Variants in MACROD2 observed in about 807,000 individuals in gnomAD.
The protein encoded by MACROD2 is ADP-ribose glycohydrolase MACROD2.
In MACROD2, 36 loss-of-function variants were observed where a neutral mutation model predicts 70.4. The observed-to-expected ratio is 0.51, with a 90% CI of 0.39 to 0.68. MACROD2 has a LOEUF of 0.68. MACROD2 is among the 30% of genes least tolerant of loss of function. The probability of loss-of-function intolerance (pLI) is 0.00; values close to 1 mark genes in which losing one functional copy is unlikely to be tolerated. For synonymous variants in MACROD2, 172 were observed against 178.8 expected (o/e 0.96, Z 0.30); for missense variants, 496 against 538.4 (o/e 0.92, Z 0.78).
At chr20:14,794,435 T>A (rs1028197946) in intron 5 of MACROD2, among the ~76,000 whole-genome samples, 6 of 152,112 alleles carry the variant, frequency 3.9e-5, no homozygotes, top group Non-Finnish European at 8.8e-5. Context: ...GTCATTCTTC[T>A]CCAGTTAAAA....
chr20:16,025,239 G>C (rs1476809409), intron 15 of MACROD2, among the ~76,000 whole-genome samples: 1 of 152,192 alleles, frequency 6.6e-6, no homozygotes, highest in African/African-American at 2.4e-5. Context: ...GGTGCTCGCA[G>C]AGTCCATTCT....
chr20:14,287,935 A>C (rs1293067569), intron 3 of MACROD2, among the ~76,000 whole-genome samples: 1 of 152,128 alleles, frequency 6.6e-6, no homozygotes, highest in Non-Finnish European at 1.5e-5. Context: ...TTCCTGAAGG[A>C]CAGATGTTAC....
At chr20:14,775,013 C>T (rs575734813) in intron 5 of MACROD2, among the ~76,000 whole-genome samples, 2 of 152,176 alleles carry the variant, frequency 1.3e-5, no homozygotes, top group African/African-American at 2.4e-5. Context: ...AAATCACAAA[C>T]ATTTGATTCT....
In MACROD2 at chr20:15,339,025, G is replaced by A. The variant is rs574418501; in HGVS notation, c.541-92380G>A. Among the ~76,000 whole-genome samples the A allele has an allele frequency of 8.6e-5, 13 of 151,820 alleles. No homozygotes were observed. The East Asian group carries it at 1.3e-3, about 16-fold the overall frequency. Reference sequence around the variant, plus strand: ...TTCATTGGCTCCTTCAAATAAACCCGTTTAATCTATTATAGCTGGCCTCTA... The same window carrying A: ...TTCATTGGCTCCTTCAAATAAACCCATTTAATCTATTATAGCTGGCCTCTA... On this transcript the variant is annotated intron_variant, in intron 6 of 17. Coordinates refer to ENST00000684519, the MANE Select transcript of MACROD2 (RefSeq NM_001351661.2).
chr20:15,367,480 T>C, intron 6 of MACROD2, among the ~76,000 whole-genome samples: 1 of 152,230 alleles, frequency 6.6e-6, no homozygotes. Flanking sequence ...TTTGCAGAAC[T>C]ACTAGGTGTT....
At chr20:14,502,476 T>C (rs1361460096) in intron 4 of MACROD2, among the ~76,000 whole-genome samples, 2 of 152,162 alleles carry the variant, frequency 1.3e-5, no homozygotes. Flanking sequence ...TTTAATGAGT[T>C]AGGACAAATT....
At chr20:14,555,157 G>A (rs1034200866) in intron 4 of MACROD2, among the ~76,000 whole-genome samples, 2 of 152,008 alleles carry the variant, frequency 1.3e-5, no homozygotes, top group African/African-American at 4.8e-5. Context: ...TGCTTGAGGG[G>A]AGGGATACCC....
rs1179850397 is a variant in MACROD2, at chr20:15,450,817, TTGTACCTCAGG to T, written c.571+19385_571+19395del. The stretch of plus-strand genomic sequence containing the variant: ...AATTAATAGTGAAGCCCTTTGACAG[TTGTACCTCAGG>T]TGCTTCTGATGTGCAATGACATCTC... On this transcript the variant is annotated intron_variant, in intron 7 of 17. Transcript: ENST00000684519. 3.9e-5 allele frequency among the ~76,000 whole-genome samples: 6 copies of T among 152,128 alleles called. No homozygotes were observed. In the East Asian group the frequency reaches 1.2e-3, roughly 29 times the overall value.
At chr20:14,184,621 A>G (rs1448693944) in intron 3 of MACROD2, among the ~76,000 whole-genome samples, 1 of 152,040 alleles carries the variant, frequency 6.6e-6, no homozygotes, top group East Asian at 1.9e-4. Context: ...TGCTTTGGGC[A>G]GTAGGGCCAT....
At chr20:14,751,315 C>CT (rs5840630) in intron 5 of MACROD2, among the ~76,000 whole-genome samples, 72,362 of 149,264 alleles carry the variant, frequency 0.48, 18,396 homozygotes, top group Non-Finnish European at 0.57. Flanking sequence ...CAGTTCCTCC[C>CT]TTTTTTTTTT....
At chr20:15,072,664 G>A (rs75432676) in intron 5 of MACROD2, among the ~76,000 whole-genome samples, 1 of 152,066 alleles carries the variant, frequency 6.6e-6, no homozygotes, top group African/African-American at 2.4e-5. Flanking sequence ...TCTTGTTTGA[G>A]GTTAGCCATC....
chr20:15,036,295 C>T (rs1194526315), intron 5 of MACROD2, among the ~76,000 whole-genome samples: 3 of 152,092 alleles, frequency 2.0e-5, no homozygotes, highest in African/African-American at 7.2e-5. Flanking sequence ...TATGACCAGT[C>T]GATAATCCAT....
chr20:15,030,996 A>G (rs2075270282), intron 5 of MACROD2, among the ~76,000 whole-genome samples: 2 of 152,156 alleles, frequency 1.3e-5, no homozygotes, highest in African/African-American at 4.8e-5. Context: ...ACCAGCCCAG[A>G]TCCCACACCT....
chr20:14,116,704 T>C (rs2054517893), intron 3 of MACROD2, among the ~76,000 whole-genome samples: 2 of 152,210 alleles, frequency 1.3e-5, no homozygotes, highest in Admixed American at 1.3e-4. Flanking sequence ...CTTTTTTGTT[T>C]GCATTTTTAT....
At chr20:14,978,906 T>TAATATA (rs1467597417) in intron 5 of MACROD2, among the ~76,000 whole-genome samples, 13 of 5,768 alleles carry the variant, frequency 2.3e-3, no homozygotes, top group African/African-American at 2.9e-3. Context: ...ATATAATATA[T>TAATATA]TATATATAAT....
chr20:15,317,302 C>T (rs1374343221), intron 6 of MACROD2, among the ~76,000 whole-genome samples: 1 of 151,986 alleles, frequency 6.6e-6, no homozygotes, highest in Non-Finnish European at 1.5e-5. Context: ...GGTGATATTT[C>T]TATAGACCTA....
At chr20:14,271,384 G>T (rs567359430) in intron 3 of MACROD2, among the ~76,000 whole-genome samples, 2 of 152,302 alleles carry the variant, frequency 1.3e-5, no homozygotes, top group South Asian at 2.1e-4. Flanking sequence ...AGACAAACAG[G>T]GTCTGGAGTG....
At chr20:15,100,102 C>A (rs1186046021) in intron 5 of MACROD2, among the ~76,000 whole-genome samples, 2 of 151,866 alleles carry the variant, frequency 1.3e-5, no homozygotes, top group Non-Finnish European at 2.9e-5. Flanking sequence ...TTTTCTTTCT[C>A]TCTTTCTTTT....
chr20:15,197,925 G>C (rs566513352), intron 5 of MACROD2, among the ~76,000 whole-genome samples: 222 of 145,372 alleles, frequency 1.5e-3, no homozygotes, highest in Non-Finnish European at 2.4e-3. Context: ...TTGAACTCCT[G>C]GACTCAAGCA....
Sources: gnomAD v4.1 joint callset for allele counts (sites outside exome capture counted in the v4.1 genomes callset) on GRCh38, gnomAD v4.1.1 for gene constraint, MANE v1.5 for transcripts, NCBI Gene and HGNC (gene_info 2026-07-23, HGNC 2026-07-21) for gene names.